TRAF3: variants seen among roughly 807,000 people sequenced by gnomAD.
TRAF3 encodes TNF receptor associated factor 3, also known as TNF receptor-associated factor 3.
In TRAF3, 13 loss-of-function variants were observed where a neutral mutation model predicts 62.3. The observed-to-expected ratio is 0.21, with a 90% CI of 0.14 to 0.33. The LOEUF is 0.33. Among genes scored for constraint, TRAF3 ranks in the 10% least tolerant of loss-of-function variants. The pLI is 1.00. For synonymous variants in TRAF3, 269 were observed against 283.4 expected (o/e 0.95, Z 0.51); for missense variants, 440 against 741.8 (o/e 0.59, Z 4.73).
intron 1 of TRAF3, among the ~76,000 whole-genome samples, chr14:102,799,696 G>T (rs1190026091): frequency 6.6e-6 from 1 of 152,142 alleles, no homozygotes; most frequent in Non-Finnish European, 1.5e-5. Context: ...AAGGACCTGC[G>T]TGCCTTGGCA....
At chr14:102,835,012 C>T (rs1285094617) in intron 2 of TRAF3, among the ~76,000 whole-genome samples, 1 of 152,010 alleles carries the variant, frequency 6.6e-6, no homozygotes, top group Non-Finnish European at 1.5e-5. Context: ...TGACAAAGGT[C>T]TAATATCCAG....
chr14:102,813,622 T>C (rs1045806058), intron 1 of TRAF3, among the ~76,000 whole-genome samples: 1 of 152,046 alleles, frequency 6.6e-6, no homozygotes, highest in Non-Finnish European at 1.5e-5. Flanking sequence ...TGCTAATTTT[T>C]GTATTTTTAA....
At chr14:102,905,142 T>C (rs1226711454) in intron 11 of TRAF3, 71 bp from the exon 12 acceptor site, 15 of 1,436,304 alleles carry the variant, frequency 1.0e-5, no homozygotes, top group East Asian at 9.1e-5. Flanking sequence ...CGAGTGCTGG[T>C]GCAGCTTTGC....
In TRAF3 at chr14:102,877,615, A is replaced by G. The variant is rs115030436; in HGVS notation, c.570+1090A>G. On this transcript the variant is annotated intron_variant, in intron 6 of 11. Coordinates refer to ENST00000392745, the MANE Select transcript of TRAF3 (RefSeq NM_145725.3). The stretch of plus-strand genomic sequence containing the variant: ...TTCCGCTCAGCTCATAATCTGTTCC[A>G]CAGGCCTTCCGCTCAGCTCATAGAT... Among the ~76,000 whole-genome samples, 624 of 129,210 alleles carry G rather than the reference A, an allele frequency of 4.8e-3. 14 individuals carry two copies. Among genetic ancestry groups the G allele is most frequent in the African/African-American group, 0.019 (584 of 30,848 alleles). The allele number at this position is 129,210 out of a possible 152,430, so 84.8% of individuals were successfully genotyped here.
Position 102,894,200 on chromosome 14 carries a change from G to A in TRAF3, c.819+2783G>A, listed in dbSNP as rs187790831. 4.7e-4 allele frequency among the ~76,000 whole-genome samples: 71 copies of A among 152,180 alleles called. No homozygotes were observed. In the East Asian group the frequency reaches 0.01, roughly 22 times the overall value. On this transcript the variant is annotated intron_variant, in intron 9 of 11. Transcript: ENST00000392745. ...AAATTAGCTAGGAGTGGTGGTGTGC[G>A]CCTGTGATCCCAGCTACTCGGGAGG... is the stretch of plus-strand genomic sequence containing the variant.
In TRAF3 at chr14:102,820,734, G is replaced by A. The variant is rs189777835; in HGVS notation, c.-156-9600G>A. Among the ~76,000 whole-genome samples, 777 of 141,920 alleles carry A rather than the reference G, an allele frequency of 5.5e-3. 7 individuals carry two copies. The highest frequency in any genetic ancestry group is 0.011 in the Admixed American group (144 of 13,608). 93.1% of individuals were successfully genotyped at this position (141,920 alleles called of 152,430 possible). A position where few individuals can be genotyped will look rare whatever the true frequency, so the allele number is the denominator to read the frequency against. ...CAGCCTCAATCTCCTGGGCTCAAGCGATCCCCCACCTCAGCCTCTTGAGTA... is the reference window on the plus strand; with the variant it reads ...CAGCCTCAATCTCCTGGGCTCAAGCAATCCCCCACCTCAGCCTCTTGAGTA... On this transcript the variant is annotated intron_variant, in intron 1 of 11. Coordinates refer to ENST00000392745, the MANE Select transcript of TRAF3 (RefSeq NM_145725.3).
chr14:102,839,912 TTTTTCAA>T (rs1886275453), intron 2 of TRAF3, among the ~76,000 whole-genome samples: 1 of 152,184 alleles, frequency 6.6e-6, no homozygotes, highest in Non-Finnish European at 1.5e-5. Context: ...AAGTAATCTC[TTTTTCAA>T]AGACATCTCT....
chr14:102,879,656 G>GT (rs1311241556), intron 6 of TRAF3, among the ~76,000 whole-genome samples: 1 of 149,396 alleles, frequency 6.7e-6, no homozygotes, highest in Non-Finnish European at 1.5e-5. Context: ...AAGTAATTGC[G>GT]TTTTTTGCCA....
At position 102,909,653 on chromosome 14, in the gene TRAF3, C is replaced by A. The variant is rs1348901272; in HGVS notation, c.*3869C>A. 1 of 152,436 alleles carries A rather than the reference C, an allele frequency of 6.6e-6. No homozygotes were observed. The highest frequency in any genetic ancestry group is 1.9e-4 in the East Asian group (1 of 5,192). 9.4% of individuals were successfully genotyped at this position (152,436 alleles called of 1,614,324 possible). A position where few individuals can be genotyped will look rare whatever the true frequency, so the allele number is the denominator to read the frequency against. The stretch of plus-strand genomic sequence containing the variant: ...CCTGCCAGGGCTCCCACTGCACTGG[C>A]TGTGGCAGGAGGCTTCCCCATGACC... On this transcript the variant is annotated 3_prime_UTR_variant, in exon 12 of 12. Coordinates refer to ENST00000392745, the MANE Select transcript of TRAF3 (RefSeq NM_145725.3).
intron 7 of TRAF3, among the ~76,000 whole-genome samples, chr14:102,886,781 A>G (rs1327355941): frequency 2.6e-5 from 4 of 152,148 alleles, no homozygotes; most frequent in African/African-American, 7.2e-5. Flanking sequence ...ACAAAACTAC[A>G]CTGTGGTAAA....
rs142983732 is a variant in TRAF3, at chr14:102,809,593, C to T, written c.-156-20741C>T. ...TGTTGCCCAGGCTGGAGTTCAGGGG[C>T]GCAATCTCGGCTCACTGCAAGCGCC... On this transcript the variant is annotated intron_variant, in intron 1 of 11. Coordinates refer to ENST00000392745, the MANE Select transcript of TRAF3 (RefSeq NM_145725.3). Among the ~76,000 whole-genome samples, 606 of 136,276 alleles carry T rather than the reference C, an allele frequency of 4.4e-3. 1 individual carries two copies. The highest frequency in any genetic ancestry group is 0.011 in the African/African-American group (409 of 36,042). The allele number at this position is 136,276 out of a possible 152,430, so 89.4% of individuals were successfully genotyped here. A position where few individuals can be genotyped will look rare whatever the true frequency, so the allele number is the denominator to read the frequency against.
chr14:102,819,952 C>G (rs1566754539), intron 1 of TRAF3, among the ~76,000 whole-genome samples: 1 of 152,196 alleles, frequency 6.6e-6, no homozygotes, highest in Non-Finnish European at 1.5e-5. Context: ...ATGGACCTGT[C>G]TTAGTGAGCA....
intron 1 of TRAF3, chr14:102,810,557 A>G (rs1282202336): frequency 6.6e-6 from 1 of 152,202 alleles, no homozygotes; most frequent in Non-Finnish European, 1.5e-5. Flanking sequence ...TTCACAAGAC[A>G]CTGGCTCTGT....
intron 1 of TRAF3, among the ~76,000 whole-genome samples, chr14:102,795,596 A>ATGTGTGTGTGTGTGTG (rs1189667975): frequency 1.9e-3 from 240 of 129,232 alleles, no homozygotes; most frequent in South Asian, 6.0e-3. Flanking sequence ...TGATATGTAT[A>ATGTGTGTGTGTGTGTG]TATGTGTGTG....
intron 2 of TRAF3, among the ~76,000 whole-genome samples, chr14:102,863,601 GC>G (rs1348225000): frequency 6.6e-6 from 1 of 152,192 alleles, no homozygotes; most frequent in Non-Finnish European, 1.5e-5. Flanking sequence ...CATGTACACA[GC>G]CCTGGGCATT....
At chr14:102,828,013 G>A (rs547857433) in intron 1 of TRAF3, among the ~76,000 whole-genome samples, 3 of 152,380 alleles carry the variant, frequency 2.0e-5, no homozygotes, top group East Asian at 3.9e-4. Flanking sequence ...ACCTGAGCCC[G>A]GAGAGGGGGC....
chr14:102,797,859 T>A (rs1258290463), intron 1 of TRAF3, among the ~76,000 whole-genome samples: 1 of 152,056 alleles, frequency 6.6e-6, no homozygotes, highest in East Asian at 1.9e-4. Flanking sequence ...CGCCTCAGCT[T>A]CCCGAGTAGC....
At chr14:102,805,084 G>C (rs1375628339) in intron 1 of TRAF3, among the ~76,000 whole-genome samples, 1 of 152,118 alleles carries the variant, frequency 6.6e-6, no homozygotes, top group African/African-American at 2.4e-5. Flanking sequence ...TCCTTTTGGT[G>C]CTTAAGGGAG....
At chr14:102,838,047 A>G (rs1463947230) in intron 2 of TRAF3, among the ~76,000 whole-genome samples, 1 of 152,212 alleles carries the variant, frequency 6.6e-6, no homozygotes, top group Non-Finnish European at 1.5e-5. Flanking sequence ...TCGCGGTGTG[A>G]TAACAGACAT....
Sources: gnomAD v4.1 joint callset for allele counts (sites outside exome capture counted in the v4.1 genomes callset) on GRCh38, gnomAD v4.1.1 for gene constraint, MANE v1.5 for transcripts, NCBI Gene and HGNC (gene_info 2026-07-23, HGNC 2026-07-21) for gene names.